The following SHANK2 variants were observed in gnomAD, a reference collection of about 807,000 sequenced individuals.
SHANK2 encodes SH3 and multiple ankyrin repeat domains protein 2.
In SHANK2, 43 loss-of-function variants were observed where a neutral mutation model predicts 133.7. The ratio of observed to expected loss-of-function variants is 0.32; its 90% CI spans 0.25 to 0.41. SHANK2 has a LOEUF of 0.41. SHANK2 is among the 10% of genes least tolerant of loss of function. SHANK2 has a pLI of 1.00. For synonymous variants in SHANK2, 1,017 were observed against 952.8 expected, an observed-to-expected ratio of 1.07 and a Z score of -1.24; for missense variants, 1,994 against 2,235.8, an observed-to-expected ratio of 0.89 and a Z score of 2.18.
At chr11:71,239,317 CAAAG>C (rs1954860337) in intron 1 of SHANK2, among the ~76,000 whole-genome samples, 1 of 152,210 alleles carries the variant, frequency 6.6e-6, no homozygotes, top group Non-Finnish European at 1.5e-5. Flanking sequence ...ACCATATGCA[CAAAG>C]CTCCTGGCTC....
At chr11:70,921,385 C>T (rs930312859) in intron 10 of SHANK2, among the ~76,000 whole-genome samples, 1 of 152,290 alleles carries the variant, frequency 6.6e-6, no homozygotes, top group Admixed American at 6.5e-5. Context: ...GGTCCTTGGG[C>T]CAAGAGCCGA....
intron 17 of SHANK2, among the ~76,000 whole-genome samples, chr11:70,617,704 G>A (rs527502605): frequency 1.3e-5 from 2 of 152,222 alleles, no homozygotes; most frequent in East Asian, 3.9e-4. Flanking sequence ...TTTACCCCAC[G>A]TGCATATGAC....
chr11:70,647,410 T>C (rs908270020), intron 17 of SHANK2: 1 of 152,090 alleles, frequency 6.6e-6, no homozygotes, highest in African/African-American at 2.4e-5. Context: ...AGGAGGGTGG[T>C]TGGAGCAGGA....
At chr11:70,772,954 T>C (rs1340592132) in intron 14 of SHANK2, among the ~76,000 whole-genome samples, 4 of 152,254 alleles carry the variant, frequency 2.6e-5, no homozygotes, top group African/African-American at 7.2e-5. Context: ...CTTATTAATC[T>C]GCCTGCTGTC....
chr11:70,542,628 C>T (rs2059637150), intron 17 of SHANK2, among the ~76,000 whole-genome samples: 1 of 152,192 alleles, frequency 6.6e-6, no homozygotes, highest in Non-Finnish European at 1.5e-5. Flanking sequence ...CCAACACCTC[C>T]ACTCTAACCA....
In SHANK2 at chr11:70,886,512, C is replaced by A. The variant is rs75666892; in HGVS notation, c.1174+9989G>T. 3.9e-4 allele frequency among the ~76,000 whole-genome samples: 59 copies of A among 152,332 alleles called. 1 individual carries two copies. The East Asian group carries it at 0.011, about 29-fold the overall frequency. Reference sequence around the variant, plus strand: ...AACACAAAGGCTATTGTGATTACTGCAGATCATCATTTGTGTCTCATTGGA... The same window carrying A: ...AACACAAAGGCTATTGTGATTACTGAAGATCATCATTTGTGTCTCATTGGA... On this transcript the variant is annotated intron_variant, in intron 11 of 25. Transcript: ENST00000601538.
chr11:70,594,522 A>T (rs2136286295), intron 17 of SHANK2, among the ~76,000 whole-genome samples: 1 of 152,290 alleles, frequency 6.6e-6, no homozygotes, highest in Non-Finnish European at 1.5e-5. Context: ...AAGGAGCTTG[A>T]GTATCAACAG....
At chr11:70,819,327 A>G (rs573547826) in intron 12 of SHANK2, among the ~76,000 whole-genome samples, 58 of 152,224 alleles carry the variant, frequency 3.8e-4, no homozygotes, top group Middle Eastern at 3.4e-3. Context: ...AGCACAGTGA[A>G]CTCCTGGAGC....
intron 17 of SHANK2, among the ~76,000 whole-genome samples, chr11:70,520,108 T>C (rs1332979427): frequency 1.3e-5 from 2 of 152,160 alleles, no homozygotes; most frequent in East Asian, 3.9e-4. Flanking sequence ...CAAAAAACAT[T>C]GTGAACTCAG....
chr11:70,528,692 C>T (rs1291275983), intron 17 of SHANK2, among the ~76,000 whole-genome samples: 6 of 151,900 alleles, frequency 3.9e-5, no homozygotes, highest in Admixed American at 6.5e-5. Context: ...CCCTGACAAG[C>T]GGGTCAGCTC....
chr11:70,540,481 C>T (rs539334904), intron 17 of SHANK2, among the ~76,000 whole-genome samples: 30 of 152,156 alleles, frequency 2.0e-4, no homozygotes, highest in Admixed American at 5.2e-4. Flanking sequence ...CCTCCCTGCC[C>T]GCGGGAGCCT....
intron 17 of SHANK2, among the ~76,000 whole-genome samples, chr11:70,545,593 C>T (rs1554976166): frequency 6.6e-6 from 1 of 152,264 alleles, no homozygotes; most frequent in South Asian, 2.1e-4. Context: ...CGCACACCCT[C>T]CGTACGGCGC....
intron 8 of SHANK2, among the ~76,000 whole-genome samples, chr11:71,082,312 C>T (rs1246914601): frequency 2.0e-5 from 3 of 152,220 alleles, no homozygotes; most frequent in Non-Finnish European, 4.4e-5. Flanking sequence ...GGTGCCTGAA[C>T]AGTGGTCATC....
At chr11:70,764,104 A>ATCCATCCATCCATCCG (rs1947058817) in intron 14 of SHANK2, among the ~76,000 whole-genome samples, 1 of 106,346 alleles carries the variant, frequency 9.4e-6, no homozygotes, top group Non-Finnish European at 1.9e-5. Flanking sequence ...CCATCCACCC[A>ATCCATCCATCCATCCG]CCCACCCACC....
chr11:70,717,475 C>T (rs377202965), intron 14 of SHANK2, among the ~76,000 whole-genome samples: 4 of 152,174 alleles, frequency 2.6e-5, no homozygotes, highest in East Asian at 1.9e-4. Context: ...AGGCGAAAGC[C>T]GTGATGGAAA....
chr11:70,482,748 C>CA (rs1472760507), intron 25 of SHANK2, among the ~76,000 whole-genome samples: 5 of 152,252 alleles, frequency 3.3e-5, no homozygotes, highest in Non-Finnish European at 7.3e-5. Context: ...TCTTGGCACT[C>CA]ACGCGTGGGT....
rs1203120147 is a variant in SHANK2 at position 70,546,940 on chromosome 11, G to A, written c.2062-44009C>T. On this transcript the variant is annotated intron_variant, in intron 17 of 25. Coordinates refer to ENST00000601538, the MANE Select transcript of SHANK2 (RefSeq NM_012309.5). The stretch of plus-strand genomic sequence containing the variant: ...CTCCTGAGTCCATCTGTGCGCTTCC[G>A]TATCAAATCCAACTTTAGCAAGAAC... 5.3e-5 allele frequency among the ~76,000 whole-genome samples: 8 copies of A among 152,100 alleles called. No homozygotes were observed. In the East Asian group the frequency reaches 5.8e-4, roughly 11 times the overall value.
At chr11:71,232,805 T>C (rs1954766513) in intron 1 of SHANK2, among the ~76,000 whole-genome samples, 1 of 152,162 alleles carries the variant, frequency 6.6e-6, no homozygotes, top group Admixed American at 6.5e-5. Flanking sequence ...AGTAGTTACA[T>C]TTTGGGGGAG....
chr11:70,606,022 G>A (rs373629427), intron 17 of SHANK2, among the ~76,000 whole-genome samples: 1 of 152,090 alleles, frequency 6.6e-6, no homozygotes, highest in Admixed American at 6.5e-5. Flanking sequence ...ATAACCATCC[G>A]AGGGTCGGGC....
Sources: allele counts gnomAD v4.1 joint callset (sites outside exome capture counted in the v4.1 genomes callset), GRCh38; gene constraint gnomAD v4.1.1; transcripts MANE v1.5; gene names NCBI Gene and HGNC (gene_info 2026-07-23, HGNC 2026-07-21).